The following LIMK1 variants were observed in gnomAD, a reference collection of about 807,000 sequenced individuals.
LIMK1 encodes the protein LIM domain kinase 1.
A neutral mutation model predicts 77.6 loss-of-function variants in LIMK1; 21 were observed. The ratio of observed to expected loss-of-function variants is 0.27; its 90% CI spans 0.19 to 0.39. LIMK1 has a LOEUF of 0.39. Ranked by LOEUF, LIMK1 falls within the 10% of genes least tolerant of loss-of-function variation. The pLI is 1.00. For missense variants in LIMK1, 696 were observed against 901.6 expected, an observed-to-expected ratio of 0.77 and a Z score of 2.92; for synonymous variants, 358 against 370.0, an observed-to-expected ratio of 0.97 and a Z score of 0.37.
At chr7:74,098,172 A>C (rs989132754) in intron 4 of LIMK1, among the ~76,000 whole-genome samples, 1 of 152,144 alleles carries the variant, frequency 6.6e-6, no homozygotes, top group Admixed American at 6.6e-5. Context: ...GGCTGGATGA[A>C]AGCTGCAACC....
intron 14 of LIMK1, 37 bp from the exon 15 acceptor site, chr7:74,120,855 G>GC: frequency 1.9e-6 from 3 of 1,612,710 alleles, no homozygotes; most frequent in Non-Finnish European, 2.5e-6. Flanking sequence ...CAGGCTGAGG[G>GC]CCCCCTGGAG....
chr7:74,106,098 A>G lies in LIMK1; in HGVS notation c.736A>G (p.Thr246Ala). 6.2e-7 allele frequency: 1 copy of G among 1,613,928 alleles called. No homozygotes were observed. The highest frequency in any genetic ancestry group is 8.5e-7 in the Non-Finnish European group (1 of 1,179,954). Residue 246 changes from threonine (T) to alanine (A), a missense_variant, in exon 7 of 16, where the codon ACC (threonine) becomes GCC (alanine). Physicochemically the swap from Thr to Ala is moderately conservative, Grantham distance 58. This residue lies in a region of LIMK1 where 438 missense variants were observed against 602.3 expected (regional missense o/e 0.73). Coordinates refer to ENST00000336180, the MANE Select transcript of LIMK1 (RefSeq NM_002314.4). Reference sequence around the variant, plus strand: ...CCAGATTGACCTGCTGATTCAGGAAACCAGCCGCCTGCTCCAGCTGACCCT... The same window carrying G: ...CCAGATTGACCTGCTGATTCAGGAAGCCAGCCGCCTGCTCCAGCTGACCCT... The part of the protein sequence containing the change: ...LDEIDLLIQE[T>A]SRLLQLTLEH...
intron 2 of LIMK1, among the ~76,000 whole-genome samples, chr7:74,089,076 T>G (rs372764087): frequency 2.0e-5 from 3 of 152,206 alleles, no homozygotes; most frequent in Middle Eastern, 3.2e-3. Flanking sequence ...ATTTGTTAAA[T>G]CTTCATCATA....
At chr7:74,103,053 A>T (rs782651305) in intron 5 of LIMK1, among the ~76,000 whole-genome samples, 16 of 151,654 alleles carry the variant, frequency 1.1e-4, no homozygotes, top group Non-Finnish European at 7.4e-5. Flanking sequence ...TTTTTATTAG[A>T]GACGGGGTTT....
intron 2 of LIMK1, among the ~76,000 whole-genome samples, chr7:74,092,822 C>T (rs1336552067): frequency 3.3e-5 from 5 of 152,174 alleles, no homozygotes; most frequent in South Asian, 2.1e-4. Context: ...CATAGGAAGT[C>T]GACCTCTGTT....
intron 7 of LIMK1, 43 bp downstream of exon 7, chr7:74,106,286 C>T: frequency 6.4e-7 from 1 of 1,561,638 alleles, no homozygotes; most frequent in Non-Finnish European, 8.7e-7. Context: ...GCTTTCACTC[C>T]TGCTGGGGCT....
rs201954864 is a variant in LIMK1, at chr7:74,120,897, C to A, written c.1629C>A (p.Ile543=). Residue 543 remains isoleucine (I), a synonymous_variant, in exon 15 of 16, where the codon ATC becomes ATA. Coordinates refer to ENST00000336180, the MANE Select transcript of LIMK1 (RefSeq NM_002314.4). ...CCGGGCCTTGTACTGGACAGATCAT[C>A]GGGCGGGTGAACGCAGACCCTGACT... ...FSFGIVLCEI[I]GRVNADPDYL... 3 of 1,614,026 alleles carry A rather than the reference C, an allele frequency of 1.9e-6. No homozygotes were observed. The African/African-American group carries it at 4.0e-5, about 22-fold the overall frequency.
At chr7:74,085,160 C>T (rs1270042488) in intron 1 of LIMK1, among the ~76,000 whole-genome samples, 1 of 152,224 alleles carries the variant, frequency 6.6e-6, no homozygotes, top group African/African-American at 2.4e-5. Flanking sequence ...GAGGAGGTGC[C>T]AGGCCTCCCT....
rs1281988220 is a variant in LIMK1, at chr7:74,083,952, C to A, written c.-39C>A. On this transcript the variant is annotated 5_prime_UTR_variant, in exon 1 of 16. Transcript: ENST00000336180. Reference sequence around the variant, plus strand: ...GCGAGCTCGCGGGCCCGGCCGCCCCCAGCCCCAGCCCCGCCGGGCCCCGCC... The same window carrying A: ...GCGAGCTCGCGGGCCCGGCCGCCCCAAGCCCCAGCCCCGCCGGGCCCCGCC... The A allele has an allele frequency of 2.5e-5, 24 of 966,098 alleles. No homozygotes were observed. In the African/African-American group the frequency reaches 3.6e-4, roughly 15 times the overall value. 59.8% of individuals were successfully genotyped at this position (966,098 alleles called of 1,614,324 possible). A position where few individuals can be genotyped will look rare whatever the true frequency, so the allele number is the denominator to read the frequency against.
Position 74,118,427 on chromosome 7 carries a change from G to C in LIMK1, c.1568-2156G>C, listed in dbSNP as rs868967518. 1.9e-3 allele frequency among the ~76,000 whole-genome samples: 229 copies of C among 122,650 alleles called. 1 individual carries two copies. The highest frequency in any genetic ancestry group is 6.1e-3 in the African/African-American group (209 of 34,004). The allele number at this position is 122,650 out of a possible 152,430, so 80.5% of individuals were successfully genotyped here. A position where few individuals can be genotyped will look rare whatever the true frequency, so the allele number is the denominator to read the frequency against. On this transcript the variant is annotated intron_variant, in intron 13 of 15. Transcript: ENST00000336180. ...ACACACACACACACACACACACACA[G>C]AGTTAACATAGCCCGCAAAGAAGAC...
chr7:74,116,006 G>A, intron 13 of LIMK1, 48 bp downstream of exon 13: 6 of 1,586,070 alleles, frequency 3.8e-6, no homozygotes, highest in East Asian at 4.5e-5. Context: ...GAAGCCATGG[G>A]GGAGCCCAGG....
chr7:74,101,397 C>G (rs1314498307), intron 5 of LIMK1, among the ~76,000 whole-genome samples: 1 of 152,180 alleles, frequency 6.6e-6, no homozygotes, highest in Non-Finnish European at 1.5e-5. Context: ...ATCTCAGCCA[C>G]TTCGGAGGGC....
intron 5 of LIMK1, among the ~76,000 whole-genome samples, chr7:74,102,070 C>T (rs1554696654): frequency 6.6e-6 from 1 of 152,150 alleles, no homozygotes; most frequent in African/African-American, 2.4e-5. Context: ...GCAATCCTCC[C>T]ACATTGGCTT....
At position 74,096,616 on chromosome 7, in the gene LIMK1, C is replaced by T. The variant is rs1799341190; in HGVS notation, c.153-6C>T. On this transcript the variant is annotated splice_region_variant and splice_polypyrimidine_tract_variant and intron_variant, in intron 2 of 15. Coordinates refer to ENST00000336180, the MANE Select transcript of LIMK1 (RefSeq NM_002314.4). ...TGGACGTCTCAGCCCGGCCCCTCTCCTGCAGGTGTTGTGACTGCAGTGCCT... is the reference window on the plus strand; with the variant it reads ...TGGACGTCTCAGCCCGGCCCCTCTCTTGCAGGTGTTGTGACTGCAGTGCCT... The T allele has an allele frequency of 6.2e-6, 10 of 1,614,014 alleles. No homozygotes were observed. Among genetic ancestry groups the T allele is most frequent in the Non-Finnish European group, 7.6e-6 (9 of 1,180,034 alleles).
intron 4 of LIMK1, 95 bp from the exon 5 acceptor site, chr7:74,098,937 G>T (rs1584114145): frequency 2.1e-6 from 2 of 948,072 alleles, no homozygotes; most frequent in South Asian, 1.5e-5. Flanking sequence ...AAAAGGAAGG[G>T]ATTGGGGGAA....
intron 12 of LIMK1, among the ~76,000 whole-genome samples, chr7:74,115,017 A>G (rs1799779027): frequency 6.6e-6 from 1 of 152,122 alleles, no homozygotes; most frequent in Admixed American, 6.6e-5. Flanking sequence ...TGAGGCCAGA[A>G]GTTGAAGACC....
At chr7:74,093,187 C>A in intron 2 of LIMK1, 1 of 1,528,456 alleles carries the variant, frequency 6.5e-7, no homozygotes, top group Non-Finnish European at 8.8e-7. Context: ...GATGGGGAAG[C>A]AGCTGGTCTG....
chr7:74,102,743 A>G (rs10282592), intron 5 of LIMK1, among the ~76,000 whole-genome samples: 2,642 of 151,976 alleles, frequency 0.017, 78 homozygotes, highest in African/African-American at 0.061. Flanking sequence ...TACACAGACC[A>G]TATTCAAATT....
At chr7:74,114,914 CAA>C (rs569366868) in intron 12 of LIMK1, among the ~76,000 whole-genome samples, 61 of 69,796 alleles carry the variant, frequency 8.7e-4, no homozygotes, top group Admixed American at 8.2e-4. Context: ...GACTCCAACT[CAA>C]AAAAAAAAAA....
Sources: gnomAD v4.1 joint callset for allele counts (sites outside exome capture counted in the v4.1 genomes callset) on GRCh38, gnomAD v4.1.1 for gene constraint, gnomAD v4.1.1 regional missense constraint, MANE v1.5 for transcripts, NCBI Gene and HGNC (gene_info 2026-07-23, HGNC 2026-07-21) for gene names.